Variants in SPOCK3 observed in about 807,000 individuals in gnomAD.
SPOCK3 encodes testican-3.
Under a neutral mutation model 56.6 loss-of-function variants are expected in SPOCK3, and 30 were observed. That is an observed-to-expected ratio of 0.53 (90% CI 0.40 to 0.72). SPOCK3 has a LOEUF of 0.72. SPOCK3 is among the 30% of genes least tolerant of loss of function. The pLI, the probability that SPOCK3 is intolerant of heterozygous loss-of-function variation, is 0.00. For missense variants in SPOCK3, 527 were observed against 530.0 expected (o/e 0.99, Z 0.06); for synonymous variants, 196 against 183.3 (o/e 1.07, Z -0.56).
At chr4:167,039,237 C>T (rs1021706201) in intron 3 of SPOCK3, among the ~76,000 whole-genome samples, 17 of 152,148 alleles carry the variant, frequency 1.1e-4, no homozygotes, top group Non-Finnish European at 4.4e-5. Context: ...TAGAAAGACG[C>T]CCATCATATT....
intron 4 of SPOCK3, among the ~76,000 whole-genome samples, chr4:166,990,281 G>A (rs1197320631): frequency 1.3e-5 from 2 of 151,946 alleles, no homozygotes; most frequent in Admixed American, 1.3e-4. Flanking sequence ...AGTAAATTGA[G>A]CTCCATATTT....
At chr4:167,054,622 T>C (rs909892333) in intron 3 of SPOCK3, among the ~76,000 whole-genome samples, 20 of 152,248 alleles carry the variant, frequency 1.3e-4, no homozygotes, top group Admixed American at 3.9e-4. Flanking sequence ...TAGCTCATTT[T>C]GCAGCAGATT....
Position 167,185,721 on chromosome 4 carries a change from G to T in SPOCK3, c.189+48264C>A, listed in dbSNP as rs549172490. The stretch of plus-strand genomic sequence containing the variant: ...ATATTTTAGCATAAACAAATAGTGT[G>T]GGAGGGGCATTCCTCTCTAGTAACA... On this transcript the variant is annotated intron_variant, in intron 2 of 10. Transcript: ENST00000357545. 3.3e-5 allele frequency among the ~76,000 whole-genome samples: 5 copies of T among 152,278 alleles called. No homozygotes were observed. The South Asian group carries it at 8.3e-4, about 25-fold the overall frequency.
chr4:167,084,601 G>A (rs558843547), intron 2 of SPOCK3, among the ~76,000 whole-genome samples: 2 of 151,976 alleles, frequency 1.3e-5, no homozygotes, highest in Admixed American at 6.6e-5. Context: ...TACTGCCTTC[G>A]GTCTTGAAAT....
intron 4 of SPOCK3, among the ~76,000 whole-genome samples, chr4:166,950,632 A>AT (rs923141981): frequency 3.3e-5 from 5 of 150,446 alleles, no homozygotes; most frequent in Admixed American, 1.3e-4. Flanking sequence ...CAGAATATAC[A>AT]TTTTTTTCAG....
chr4:166,798,242 C>T (rs1742179569), intron 6 of SPOCK3, among the ~76,000 whole-genome samples: 1 of 152,118 alleles, frequency 6.6e-6, no homozygotes, highest in African/African-American at 2.4e-5. Context: ...TCCATTAAGA[C>T]AGTATGCTGT....
intron 2 of SPOCK3, among the ~76,000 whole-genome samples, chr4:167,088,732 G>A (rs983036651): frequency 6.6e-6 from 1 of 151,888 alleles, no homozygotes; most frequent in African/African-American, 2.4e-5. Flanking sequence ...CAAAGTGCTG[G>A]GATTACAGGC....
intron 2 of SPOCK3, among the ~76,000 whole-genome samples, chr4:167,200,489 A>C (rs1199940020): frequency 1.3e-5 from 2 of 152,028 alleles, no homozygotes; most frequent in South Asian, 2.1e-4. Context: ...CACTAGATAC[A>C]CCATAAAGTG....
intron 4 of SPOCK3, among the ~76,000 whole-genome samples, chr4:166,919,506 T>G (rs1355399161): frequency 6.6e-6 from 1 of 152,214 alleles, no homozygotes; most frequent in Non-Finnish European, 1.5e-5. Context: ...TCCAATCTCC[T>G]TTTCAATCTG....
chr4:166,903,240 G>A (rs948357104), intron 5 of SPOCK3, among the ~76,000 whole-genome samples: 13 of 151,060 alleles, frequency 8.6e-5, no homozygotes, highest in Non-Finnish European at 1.5e-4. Context: ...ATCCTTAGAC[G>A]TTTGAATTAA....
rs1459372395 is a variant in SPOCK3, at chr4:166,951,251, T to G, written c.351-38508A>C. ...GCAATAAAAAATGATAAAGGGGATA[T>G]CACCACCAATCCCACAGAAATACAA... is the stretch of plus-strand genomic sequence containing the variant. On this transcript the variant is annotated intron_variant, in intron 4 of 10. Coordinates refer to ENST00000357545, the MANE Select transcript of SPOCK3 (RefSeq NM_001040159.2). 2.1e-4 allele frequency among the ~76,000 whole-genome samples: 29 copies of G among 140,638 alleles called. 6 individuals are homozygous for G. The highest frequency in any genetic ancestry group is 8.3e-4 in the African/African-American group (28 of 33,786). The allele number at this position is 140,638 out of a possible 152,430, so 92.3% of individuals were successfully genotyped here.
chr4:167,144,007 G>A (rs1056295189), intron 2 of SPOCK3, among the ~76,000 whole-genome samples: 1 of 152,000 alleles, frequency 6.6e-6, no homozygotes, highest in African/African-American at 2.4e-5. Context: ...CACAGCACAT[G>A]TTATGCTCCA....
At chr4:167,169,623 G>C (rs1363855402) in intron 2 of SPOCK3, among the ~76,000 whole-genome samples, 2 of 152,114 alleles carry the variant, frequency 1.3e-5, no homozygotes, top group African/African-American at 4.8e-5. Flanking sequence ...TGAGAATTTG[G>C]ACTGTGGACT....
intron 5 of SPOCK3, among the ~76,000 whole-genome samples, chr4:166,895,035 C>T (rs562966118): frequency 6.1e-4 from 93 of 152,134 alleles, no homozygotes; most frequent in Non-Finnish European, 1.0e-3. Flanking sequence ...GTAGGTTTAT[C>T]TTATAATAAT....
intron 2 of SPOCK3, among the ~76,000 whole-genome samples, chr4:167,128,782 G>A (rs1460443548): frequency 2.6e-5 from 4 of 152,098 alleles, no homozygotes; most frequent in Admixed American, 2.6e-4. Context: ...CTACATGAAG[G>A]AATTTAAAGT....
chr4:167,006,434 A>G (rs1261471858), intron 3 of SPOCK3, among the ~76,000 whole-genome samples: 2 of 152,138 alleles, frequency 1.3e-5, no homozygotes, highest in African/African-American at 2.4e-5. Context: ...AATATCTAGT[A>G]AGACAAGCAG....
intron 7 of SPOCK3, among the ~76,000 whole-genome samples, chr4:166,791,104 A>G (rs1162762160): frequency 6.6e-6 from 1 of 152,040 alleles, no homozygotes; most frequent in Non-Finnish European, 1.5e-5. Context: ...AATTCATAAA[A>G]AGAAATATAT....
rs564965306 is a variant in SPOCK3 at position 166,769,893 on chromosome 4, G to A, written c.710-15164C>T. Among the ~76,000 whole-genome samples the A allele has an allele frequency of 2.3e-3, 343 of 152,202 alleles. 1 individual carries two copies. The highest frequency in any genetic ancestry group is 3.4e-3 in the Middle Eastern group (1 of 294). ...TACTCAAGCCTCAGCAATGGCAGGC[G>A]CCCCTCCCCCAGCCTTGCTGCTGTC... On this transcript the variant is annotated intron_variant, in intron 7 of 10. Coordinates refer to ENST00000357545, the MANE Select transcript of SPOCK3 (RefSeq NM_001040159.2).
chr4:166,766,261 G>A (rs1045887823), intron 7 of SPOCK3, among the ~76,000 whole-genome samples: 3 of 152,136 alleles, frequency 2.0e-5, no homozygotes, highest in African/African-American at 7.2e-5. Context: ...TCCCTGTCTT[G>A]TGCCAGTTTT....
Sources: gnomAD v4.1 joint callset for allele counts (sites outside exome capture counted in the v4.1 genomes callset) on GRCh38, gnomAD v4.1.1 for gene constraint, MANE v1.5 for transcripts, NCBI Gene and HGNC (gene_info 2026-07-23, HGNC 2026-07-21) for gene names.